SUPT3H: variants seen among roughly 807,000 people sequenced by gnomAD.
SUPT3H encodes SPT3 homolog, SAGA and STAGA complex component, also known as transcription initiation protein SPT3 homolog.
Under a neutral mutation model 44.3 loss-of-function variants are expected in SUPT3H, and 44 were observed. The observed-to-expected ratio is 0.99, with a 90% CI of 0.78 to 1.28. The LOEUF (loss-of-function observed/expected upper bound fraction) is 1.28. Ranked by LOEUF, SUPT3H falls within the 50% of genes most tolerant of loss-of-function variation. The pLI is 0.00. For missense variants in SUPT3H, 380 were observed against 387.1 expected (o/e 0.98, Z 0.15); for synonymous variants, 124 against 125.6 (o/e 0.99, Z 0.09).
chr6:45,083,940 A>G (rs1054011886), intron 3 of SUPT3H, among the ~76,000 whole-genome samples: 10 of 152,244 alleles, frequency 6.6e-5, no homozygotes, highest in African/African-American at 2.4e-4. Context: ...TCCCAGCACC[A>G]TGCAGAAGAA....
chr6:45,328,537 T>G (rs370453738), intron 2 of SUPT3H: 4 of 1,573,350 alleles, frequency 2.5e-6, no homozygotes, highest in Non-Finnish European at 3.5e-6. Flanking sequence ...TTTGTTTTGT[T>G]TCTTTGCTTT....
chr6:45,170,035 C>G (rs756978780), intron 2 of SUPT3H, among the ~76,000 whole-genome samples: 3 of 152,168 alleles, frequency 2.0e-5, no homozygotes. Flanking sequence ...TGGAGCTTGC[C>G]TTCATACTTC....
chr6:45,235,801 A>G (rs1318080339), intron 2 of SUPT3H, among the ~76,000 whole-genome samples: 1 of 152,138 alleles, frequency 6.6e-6, no homozygotes, highest in Non-Finnish European at 1.5e-5. Context: ...TCTCTGCAGC[A>G]CTGTGACATG....
At chr6:45,157,227 A>T (rs1266661317) in intron 2 of SUPT3H, among the ~76,000 whole-genome samples, 1 of 152,170 alleles carries the variant, frequency 6.6e-6, no homozygotes. Flanking sequence ...AACAAGCAAC[A>T]TATGATTAAG....
At chr6:44,960,117 A>G (rs541414789) in intron 7 of SUPT3H, among the ~76,000 whole-genome samples, 3 of 152,294 alleles carry the variant, frequency 2.0e-5, no homozygotes, top group East Asian at 3.9e-4. Flanking sequence ...GAAAGGGAAA[A>G]TATTATTTTT....
At chr6:44,903,721 AC>A (rs1325854395) in intron 10 of SUPT3H, among the ~76,000 whole-genome samples, 2 of 152,212 alleles carry the variant, frequency 1.3e-5, no homozygotes, top group Non-Finnish European at 1.5e-5. Flanking sequence ...GGGCAGAGAC[AC>A]CACCAAAAAA....
intron 3 of SUPT3H, among the ~76,000 whole-genome samples, chr6:45,063,235 C>A (rs1177267729): frequency 7.0e-6 from 1 of 143,408 alleles, no homozygotes; most frequent in Non-Finnish European, 1.5e-5. Flanking sequence ...TTCCAACAGA[C>A]CTGCAGCTGA....
chr6:45,106,197 C>T (rs914812608), intron 2 of SUPT3H, among the ~76,000 whole-genome samples, 191 bp from the exon 3 acceptor site: 9 of 152,192 alleles, frequency 5.9e-5, no homozygotes, highest in Middle Eastern at 3.4e-3. Flanking sequence ...TTTGGGAGGC[C>T]GGAGCGGGAG....
chr6:45,045,676 A>T (rs891893842), intron 3 of SUPT3H, among the ~76,000 whole-genome samples: 8 of 152,118 alleles, frequency 5.3e-5, no homozygotes, highest in Non-Finnish European at 8.8e-5. Flanking sequence ...AGAGCTTCCA[A>T]TATTTTCACA....
intron 2 of SUPT3H, among the ~76,000 whole-genome samples, chr6:45,233,216 C>T (rs1768414176): frequency 6.6e-6 from 1 of 152,212 alleles, no homozygotes; most frequent in South Asian, 2.1e-4. Flanking sequence ...CCCTTCAGCA[C>T]TTTTGGGCTG....
At chr6:45,120,566 A>G (rs1208905841) in intron 2 of SUPT3H, among the ~76,000 whole-genome samples, 13 of 152,100 alleles carry the variant, frequency 8.5e-5, no homozygotes, top group African/African-American at 3.1e-4. Context: ...CAATATATAA[A>G]TGCCACAATA....
chr6:45,216,339 C>A (rs1452522325), intron 2 of SUPT3H, among the ~76,000 whole-genome samples: 1 of 151,990 alleles, frequency 6.6e-6, no homozygotes, highest in Non-Finnish European at 1.5e-5. Context: ...AAGCTTATCA[C>A]TGCAAAAAGA....
intron 3 of SUPT3H, among the ~76,000 whole-genome samples, chr6:45,043,167 A>ACACACG (rs1011090608): frequency 1.3e-5 from 2 of 151,304 alleles, no homozygotes; most frequent in Non-Finnish European, 2.9e-5. Flanking sequence ...ACACACACAC[A>ACACACG]CACGCACACA....
chr6:44,869,770 T>C (rs544864369), intron 10 of SUPT3H, among the ~76,000 whole-genome samples: 7 of 152,310 alleles, frequency 4.6e-5, no homozygotes, highest in Admixed American at 1.3e-4. Flanking sequence ...CCCTAGGAAG[T>C]ACCTTCTGAC....
rs371204070 is a variant in SUPT3H, at chr6:45,287,099, G to A, written c.101+78102C>T. On this transcript the variant is annotated intron_variant, in intron 2 of 10. Transcript: ENST00000371459. ...ACACACCGGAGCCTGTTGTGGGGTC[G>A]GAGGAGAGGGGAGGGATAGCATTAG... Among the ~76,000 whole-genome samples, 45 of 152,148 alleles carry A rather than the reference G, an allele frequency of 3.0e-4. No homozygotes were observed. In the East Asian group the frequency reaches 3.7e-3, roughly 12 times the overall value.
chr6:45,009,844 T>C (rs911973183), intron 5 of SUPT3H, among the ~76,000 whole-genome samples: 1 of 152,148 alleles, frequency 6.6e-6, no homozygotes, highest in Admixed American at 6.6e-5. Flanking sequence ...TATTTCTATA[T>C]GATTGGTAGA....
At chr6:45,162,520 A>G (rs1809180424) in intron 2 of SUPT3H, among the ~76,000 whole-genome samples, 1 of 152,110 alleles carries the variant, frequency 6.6e-6, no homozygotes, top group African/African-American at 2.4e-5. Context: ...CAAAACCTCA[A>G]CTCTAAAACA....
At chr6:45,254,454 T>C (rs958819834) in intron 2 of SUPT3H, among the ~76,000 whole-genome samples, 6 of 152,128 alleles carry the variant, frequency 3.9e-5, no homozygotes, top group Non-Finnish European at 7.4e-5. Context: ...TAATCAGTAA[T>C]GAGATAAAAA....
chr6:45,248,841 A>C (rs555563817), intron 2 of SUPT3H, among the ~76,000 whole-genome samples: 3 of 151,576 alleles, frequency 2.0e-5, no homozygotes, highest in African/African-American at 7.3e-5. Flanking sequence ...CTTGAACCCA[A>C]GAGGCGGAGG....
Sources: allele counts gnomAD v4.1 joint callset (sites outside exome capture counted in the v4.1 genomes callset), GRCh38; gene constraint gnomAD v4.1.1; transcripts MANE v1.5; gene names NCBI Gene and HGNC (gene_info 2026-07-23, HGNC 2026-07-21).